CENPP: variants seen among roughly 807,000 people sequenced by gnomAD.
CENPP encodes the protein centromere protein P.
Under a neutral mutation model 35.6 loss-of-function variants are expected in CENPP, and 24 were observed. That is an observed-to-expected ratio of 0.67 (90% confidence interval 0.49 to 0.95). CENPP has a LOEUF of 0.95. CENPP is among the 40% of genes least tolerant of loss of function. The pLI is 0.00. For missense variants in CENPP, 332 were observed against 345.3 expected (o/e 0.96, Z 0.31); for synonymous variants, 120 against 125.5 (o/e 0.96, Z 0.29).
At chr9:92,449,738 A>C (rs1321925056) in intron 5 of CENPP, among the ~76,000 whole-genome samples, 3 of 151,948 alleles carry the variant, frequency 2.0e-5, no homozygotes, top group Admixed American at 6.6e-5. Flanking sequence ...GGTCATTTAA[A>C]AGTGTGTGGC....
intron 5 of CENPP, chr9:92,385,543 C>T: frequency 2.4e-6 from 3 of 1,262,576 alleles, no homozygotes; most frequent in Non-Finnish European, 2.2e-6. Flanking sequence ...TAAACCAATA[C>T]TTAAGTTCCT....
At chr9:92,454,065 G>A (rs1465724574) in intron 5 of CENPP, among the ~76,000 whole-genome samples, 1 of 152,142 alleles carries the variant, frequency 6.6e-6, no homozygotes, top group South Asian at 2.1e-4. Flanking sequence ...CCAATAAATA[G>A]TAAGTCACTT....
At chr9:92,488,868 TAATCACA>T (rs1407296014) in intron 5 of CENPP, among the ~76,000 whole-genome samples, 1 of 152,238 alleles carries the variant, frequency 6.6e-6, no homozygotes, top group Admixed American at 6.5e-5. Context: ...GTATTTAGTG[TAATCACA>T]TGTTATTTTT....
At chr9:92,534,185 A>C (rs917811110) in intron 5 of CENPP, among the ~76,000 whole-genome samples, 8 of 152,042 alleles carry the variant, frequency 5.3e-5, no homozygotes, top group African/African-American at 1.9e-4. Context: ...TCCCACCAGG[A>C]GCTCCCCTTT....
At chr9:92,325,752 G>T (rs1000263503), upstream of CENPP, 3 of 482,980 alleles carry the variant, frequency 6.2e-6, no homozygotes, top group Non-Finnish European at 1.1e-5. Context: ...GCTCTCCAGA[G>T]AAAGTATAGC....
intron 1 of CENPP, 76 bp from the exon 2 acceptor site, chr9:92,332,094 C>A: frequency 3.3e-6 from 3 of 912,090 alleles, no homozygotes; most frequent in Admixed American, 2.9e-5. Context: ...AATGGGAATG[C>A]TTTGAGGAAA....
intron 5 of CENPP, chr9:92,386,261 A>G (rs1842416861): frequency 6.2e-7 from 1 of 1,613,584 alleles, no homozygotes; most frequent in East Asian, 2.2e-5. Flanking sequence ...CCAGGGCATT[A>G]TGGTCCAAGT....
intron 4 of CENPP, among the ~76,000 whole-genome samples, chr9:92,366,098 T>C (rs1184565070): frequency 2.1e-5 from 3 of 144,584 alleles, no homozygotes; most frequent in Non-Finnish European, 4.5e-5. Context: ...GAGAATGGTG[T>C]GAACCTGGGA....
At chr9:92,380,325 C>T (rs368953484) in intron 5 of CENPP, among the ~76,000 whole-genome samples, 3 of 152,164 alleles carry the variant, frequency 2.0e-5, no homozygotes, top group African/African-American at 7.2e-5. Flanking sequence ...CTTTAAAGTA[C>T]TTCCTTTTAT....
At chr9:92,497,624 CAA>C (rs1315903167) in intron 5 of CENPP, among the ~76,000 whole-genome samples, 8 of 81,552 alleles carry the variant, frequency 9.8e-5, no homozygotes, top group African/African-American at 1.3e-4. Context: ...AACTCTGTCT[CAA>C]AAAAAAAAAA....
intron 5 of CENPP, among the ~76,000 whole-genome samples, chr9:92,602,893 T>A: frequency 1.4e-5 from 2 of 144,430 alleles, no homozygotes; most frequent in South Asian, 4.7e-4. Context: ...CTGGTTCAAG[T>A]GATTCTCCTG....
Position 92,619,880 on chromosome 9 carries a change from T to C in CENPP, c.*6731T>C, listed in dbSNP as rs546477558. 352 of 381,404 alleles carry C rather than the reference T, an allele frequency of 9.2e-4. No individual in the cohort carries two copies. The highest frequency in any genetic ancestry group is 6.7e-3 in the African/African-American group (334 of 49,722). 23.6% of individuals were successfully genotyped at this position (381,404 alleles called of 1,614,324 possible). ...TCAGCAAGGTCACCACAGTCGGCCT[T>C]TGGAAGGAAAAGCAGTAAGCCACCT... On this transcript the variant is annotated 3_prime_UTR_variant, in exon 8 of 8. Transcript: ENST00000375587.
chr9:92,596,622 A>G (rs555675478), intron 5 of CENPP, among the ~76,000 whole-genome samples: 1 of 152,184 alleles, frequency 6.6e-6, no homozygotes, highest in South Asian at 2.1e-4. Context: ...CATCAAGTAC[A>G]TTGGAAAGTA....
rs1851553305 is a variant in CENPP at position 92,619,464 on chromosome 9, T to C, written c.*6315T>C. Reference sequence around the variant, plus strand: ...AAAACCCCGTTAGACCCAGGCTGCATGCCTTGCAGTGGGGGCCTCACCTGG... The same window carrying C: ...AAAACCCCGTTAGACCCAGGCTGCACGCCTTGCAGTGGGGGCCTCACCTGG... On this transcript the variant is annotated 3_prime_UTR_variant, in exon 8 of 8. Coordinates refer to ENST00000375587, the MANE Select transcript of CENPP (RefSeq NM_001012267.3). 1 of 1,560,636 alleles carries C rather than the reference T, an allele frequency of 6.4e-7. No homozygotes were observed. Among genetic ancestry groups the C allele is most frequent in the South Asian group, 1.2e-5 (1 of 85,114 alleles).
At chr9:92,517,645 A>G in intron 5 of CENPP, 4 of 1,608,964 alleles carry the variant, frequency 2.5e-6, no homozygotes, top group Non-Finnish European at 3.4e-6. Flanking sequence ...GAAGTTAAAG[A>G]TTAATCACAC....
At chr9:92,445,881 C>CAA (rs1304488203) in intron 5 of CENPP, among the ~76,000 whole-genome samples, 7 of 124,558 alleles carry the variant, frequency 5.6e-5, no homozygotes, top group South Asian at 2.6e-4. Flanking sequence ...GATAATGTCT[C>CAA]AAAAAAAAAA....
intron 5 of CENPP, among the ~76,000 whole-genome samples, chr9:92,580,493 C>G (rs1850393943): frequency 6.6e-6 from 1 of 152,138 alleles, no homozygotes; most frequent in Non-Finnish European, 1.5e-5. Context: ...TGTTATTGGT[C>G]TATTCAGAGA....
chr9:92,355,406 T>C (rs965890498), intron 4 of CENPP, among the ~76,000 whole-genome samples: 1 of 152,134 alleles, frequency 6.6e-6, no homozygotes, highest in Non-Finnish European at 1.5e-5. Flanking sequence ...AGCCACTACT[T>C]TAATACCACA....
At chr9:92,611,183 C>T in intron 5 of CENPP, 131 bp from the exon 6 acceptor site, 1 of 718,966 alleles carries the variant, frequency 1.4e-6, no homozygotes, top group East Asian at 2.7e-5. Context: ...GGGCGGTTGG[C>T]ACCCATGGAT....
Sources: gnomAD v4.1 joint callset for allele counts (sites outside exome capture counted in the v4.1 genomes callset) on GRCh38, gnomAD v4.1.1 for gene constraint, MANE v1.5 for transcripts, NCBI Gene and HGNC (gene_info 2026-07-23, HGNC 2026-07-21) for gene names.